Variants in PPP3CA observed in about 807,000 individuals in gnomAD.
PPP3CA encodes protein phosphatase 3 catalytic subunit alpha.
Under a neutral mutation model 66.5 loss-of-function variants are expected in PPP3CA, and 14 were observed. That is an observed-to-expected ratio of 0.21 (90% CI 0.14 to 0.33). The LOEUF is 0.33. PPP3CA is among the 10% of genes least tolerant of loss of function. The pLI is 1.00. For missense variants in PPP3CA, 317 were observed against 639.5 expected (o/e 0.50, Z 5.44); for synonymous variants, 232 against 226.2 (o/e 1.03, Z -0.23).
rs1726659428 is a variant in PPP3CA at position 101,026,527 on chromosome 4, C to A, written c.1370-466G>T. ...AGTGGAATCAGTATGTTTGCTATAC[C>A]TAAAAACCTAGCAAAGGGCTTAAAG... On this transcript the variant is annotated intron_variant, in intron 13 of 13. Transcript: ENST00000394854. 4.6e-5 allele frequency among the ~76,000 whole-genome samples: 7 copies of A among 151,992 alleles called. No individual in the cohort carries two copies. In the South Asian group the frequency reaches 1.5e-3, roughly 32 times the overall value.
At chr4:101,342,448 G>C (rs548984603) in intron 1 of PPP3CA, among the ~76,000 whole-genome samples, 34 of 152,158 alleles carry the variant, frequency 2.2e-4, no homozygotes, top group Non-Finnish European at 4.0e-4. Context: ...TTAATAAATA[G>C]ACCAACCTAA....
chr4:101,259,283 C>T (rs771257023), intron 1 of PPP3CA, among the ~76,000 whole-genome samples: 4 of 152,040 alleles, frequency 2.6e-5, no homozygotes, highest in African/African-American at 9.7e-5. Context: ...CTGCTAAACA[C>T]GTTTGTTTTC....
intron 2 of PPP3CA, among the ~76,000 whole-genome samples, chr4:101,145,389 C>T (rs1480695438): frequency 6.6e-6 from 1 of 152,032 alleles, no homozygotes; most frequent in Non-Finnish European, 1.5e-5. Flanking sequence ...TGTCCATCAA[C>T]AGATGAATGG....
intron 2 of PPP3CA, among the ~76,000 whole-genome samples, chr4:101,134,143 C>G (rs777087332): frequency 2.4e-4 from 37 of 152,228 alleles, no homozygotes; most frequent in Admixed American, 3.3e-4. Flanking sequence ...CATAAAAACC[C>G]TAGAAGAAAA....
chr4:101,244,674 T>C (rs1239836429), intron 1 of PPP3CA, among the ~76,000 whole-genome samples: 1 of 152,214 alleles, frequency 6.6e-6, no homozygotes, highest in African/African-American at 2.4e-5. Context: ...ATAGATCTGT[T>C]ATTTGATGTG....
chr4:101,282,238 C>G (rs1727707811), intron 1 of PPP3CA, among the ~76,000 whole-genome samples: 1 of 152,148 alleles, frequency 6.6e-6, no homozygotes, highest in African/African-American at 2.4e-5. Context: ...TTCACACCTA[C>G]CTAGAGGCCC....
intron 2 of PPP3CA, among the ~76,000 whole-genome samples, chr4:101,186,486 A>C (rs1219334289): frequency 2.0e-5 from 3 of 152,188 alleles, no homozygotes; most frequent in Admixed American, 2.0e-4. Flanking sequence ...TATTACTTTG[A>C]CATGGGACTC....
intron 2 of PPP3CA, among the ~76,000 whole-genome samples, chr4:101,135,942 T>C (rs1404217475): frequency 6.6e-6 from 1 of 152,248 alleles, no homozygotes; most frequent in African/African-American, 2.4e-5. Context: ...TATATTGAAC[T>C]ATTCATTTAA....
chr4:101,223,990 A>C (rs1725705089), intron 1 of PPP3CA, among the ~76,000 whole-genome samples: 1 of 151,836 alleles, frequency 6.6e-6, no homozygotes, highest in Admixed American at 6.6e-5. Flanking sequence ...AAGGGAAAAC[A>C]AAATTTGGGG....
intron 8 of PPP3CA, among the ~76,000 whole-genome samples, chr4:101,078,074 A>T (rs1266122929): frequency 1.3e-5 from 2 of 152,148 alleles, no homozygotes; most frequent in East Asian, 3.8e-4. Context: ...GCTATTTAGT[A>T]ATCAGTCTTT....
chr4:101,294,116 C>A (rs1359531887), intron 1 of PPP3CA, among the ~76,000 whole-genome samples: 1 of 152,202 alleles, frequency 6.6e-6, no homozygotes. Context: ...TCATGTAATA[C>A]AGATAGAACA....
chr4:101,340,562 A>C (rs563768014), intron 1 of PPP3CA, among the ~76,000 whole-genome samples: 17 of 152,334 alleles, frequency 1.1e-4, no homozygotes, highest in Admixed American at 7.2e-4. Context: ...ATGGAGGAAT[A>C]CACAATTGTT....
At chr4:101,335,189 A>T (rs1729586092) in intron 1 of PPP3CA, among the ~76,000 whole-genome samples, 1 of 152,152 alleles carries the variant, frequency 6.6e-6, no homozygotes, top group Non-Finnish European at 1.5e-5. Flanking sequence ...GTTGGAAGCC[A>T]CTGGTCTCCT....
chr4:101,245,159 C>T (rs1726438327), intron 1 of PPP3CA, among the ~76,000 whole-genome samples: 1 of 152,052 alleles, frequency 6.6e-6, no homozygotes, highest in South Asian at 2.1e-4. Context: ...ACACAAAGGA[C>T]AAGGCTCACA....
chr4:101,320,746 C>T (rs115073344), intron 1 of PPP3CA, among the ~76,000 whole-genome samples: 1 of 152,218 alleles, frequency 6.6e-6, no homozygotes, highest in African/African-American at 2.4e-5. Context: ...ACAGGCTGGC[C>T]TAACAAACCT....
chr4:101,286,374 G>A (rs1727848588), intron 1 of PPP3CA, among the ~76,000 whole-genome samples: 1 of 152,132 alleles, frequency 6.6e-6, no homozygotes, highest in African/African-American at 2.4e-5. Flanking sequence ...CACAATCTTA[G>A]GTGGCTTTTG....
intron 10 of PPP3CA, among the ~76,000 whole-genome samples, chr4:101,050,864 A>C (rs1304617396): frequency 6.6e-6 from 1 of 152,190 alleles, no homozygotes; most frequent in Non-Finnish European, 1.5e-5. Flanking sequence ...CCTTGTGCAG[A>C]TATGAACATT....
intron 1 of PPP3CA, among the ~76,000 whole-genome samples, chr4:101,274,286 T>C (rs1727422775): frequency 6.6e-6 from 1 of 152,142 alleles, no homozygotes; most frequent in Non-Finnish European, 1.5e-5. Flanking sequence ...CACTCCAGCC[T>C]AGGCGACAGA....
chr4:101,267,915 G>T (rs997849481), intron 1 of PPP3CA, among the ~76,000 whole-genome samples: 5 of 152,036 alleles, frequency 3.3e-5, no homozygotes, highest in Admixed American at 3.3e-4. Context: ...CTTTTTAGTT[G>T]AAATAAATAA....
Sources: gnomAD v4.1 joint callset for allele counts (sites outside exome capture counted in the v4.1 genomes callset) on GRCh38, gnomAD v4.1.1 for gene constraint, MANE v1.5 for transcripts, NCBI Gene and HGNC (gene_info 2026-07-23, HGNC 2026-07-21) for gene names.